The following SH3GL2 variants were observed in gnomAD, a reference collection of about 807,000 sequenced individuals.
SH3GL2 encodes the protein endophilin-A1.
Under a neutral mutation model 46.0 loss-of-function variants are expected in SH3GL2, and 24 were observed. That is an observed-to-expected ratio of 0.52 (90% confidence interval 0.38 to 0.73). SH3GL2 has a LOEUF of 0.73. Among genes scored for constraint, SH3GL2 ranks in the 30% least tolerant of loss-of-function variants. The pLI is 0.00. For missense variants in SH3GL2, 413 were observed against 424.2 expected, an observed-to-expected ratio of 0.97 and a Z score of 0.23; for synonymous variants, 196 against 147.1, an observed-to-expected ratio of 1.33 and a Z score of -2.40.
At chr9:17,629,758 T>C (rs9298780) in intron 1 of SH3GL2, among the ~76,000 whole-genome samples, 126,116 of 152,158 alleles carry the variant, frequency 0.83, 52,581 homozygotes, top group East Asian at 0.91. Flanking sequence ...TCACTTTTCA[T>C]TGATGGGCTA....
intron 2 of SH3GL2, among the ~76,000 whole-genome samples, chr9:17,756,409 T>C (rs1458787391): frequency 2.0e-5 from 3 of 151,900 alleles, no homozygotes; most frequent in Non-Finnish European, 2.9e-5. Flanking sequence ...ATGTGCCATG[T>C]TGGTGTGCTG....
At chr9:17,598,968 T>C (rs934955655) in intron 1 of SH3GL2, among the ~76,000 whole-genome samples, 1 of 152,184 alleles carries the variant, frequency 6.6e-6, no homozygotes, top group African/African-American at 2.4e-5. Flanking sequence ...ATTTAATTGG[T>C]CAATGGAACA....
At chr9:17,657,169 C>T (rs1404848533) in intron 1 of SH3GL2, among the ~76,000 whole-genome samples, 3 of 152,116 alleles carry the variant, frequency 2.0e-5, no homozygotes, top group Non-Finnish European at 4.4e-5. Flanking sequence ...TTTTTTTGTG[C>T]CTGCTAGTTA....
intron 1 of SH3GL2, among the ~76,000 whole-genome samples, chr9:17,585,260 G>A (rs1411627690): frequency 6.6e-6 from 1 of 152,176 alleles, no homozygotes; most frequent in African/African-American, 2.4e-5. Context: ...AGGAGATGGA[G>A]TTTAAGAACT....
chr9:17,613,860 C>G (rs988333900), intron 1 of SH3GL2, among the ~76,000 whole-genome samples: 2 of 152,178 alleles, frequency 1.3e-5, no homozygotes, highest in African/African-American at 4.8e-5. Flanking sequence ...TTCCCCTTCC[C>G]TCCTGGCTGA....
intron 1 of SH3GL2, among the ~76,000 whole-genome samples, chr9:17,604,614 G>C (rs1271653536): frequency 6.6e-6 from 1 of 152,168 alleles, no homozygotes; most frequent in African/African-American, 2.4e-5. Flanking sequence ...AGTAAGGATG[G>C]GTGAAGCACT....
In SH3GL2 at chr9:17,675,006, C is replaced by T. The variant is rs1041756402; in HGVS notation, c.46-72060C>T. On this transcript the variant is annotated intron_variant, in intron 1 of 8. Coordinates refer to ENST00000380607, the MANE Select transcript of SH3GL2 (RefSeq NM_003026.5). ...CCAGGTTACATTGCCAAGGGGTGTG[C>T]ATACAGGGATGGGAGGAATGTGATT... Among the ~76,000 whole-genome samples, 3 of 152,130 alleles carry T rather than the reference C, an allele frequency of 2.0e-5. 1 individual carries two copies. Among genetic ancestry groups the T allele is most frequent in the Non-Finnish European group, 4.4e-5 (3 of 68,030 alleles).
At chr9:17,674,544 G>A (rs1820559430) in intron 1 of SH3GL2, among the ~76,000 whole-genome samples, 1 of 152,140 alleles carries the variant, frequency 6.6e-6, no homozygotes, top group Non-Finnish European at 1.5e-5. Context: ...GGGATTACAG[G>A]TGTGAGCCTG....
At chr9:17,627,330 A>G (rs937544452) in intron 1 of SH3GL2, among the ~76,000 whole-genome samples, 7 of 152,104 alleles carry the variant, frequency 4.6e-5, no homozygotes, top group African/African-American at 1.7e-4. Context: ...AGCTAGCTTG[A>G]TCGTTGGGGA....
At chr9:17,695,536 C>T (rs987961467) in intron 1 of SH3GL2, among the ~76,000 whole-genome samples, 1 of 152,116 alleles carries the variant, frequency 6.6e-6, no homozygotes, top group South Asian at 2.1e-4. Flanking sequence ...TCTCAATATA[C>T]TCCTCAGATG....
intron 1 of SH3GL2, chr9:17,589,310 G>A (rs968786770): frequency 2.0e-5 from 3 of 152,162 alleles, no homozygotes; most frequent in Non-Finnish European, 2.9e-5. Flanking sequence ...GACTATAGGC[G>A]TGTGCCGCTA....
chr9:17,694,132 T>C (rs1293710453), intron 1 of SH3GL2, among the ~76,000 whole-genome samples: 3 of 152,168 alleles, frequency 2.0e-5, no homozygotes, highest in African/African-American at 7.2e-5. Flanking sequence ...TCTGTATTAG[T>C]CTGTTCTTAT....
chr9:17,686,975 G>A (rs1049835062), intron 1 of SH3GL2, among the ~76,000 whole-genome samples: 12 of 152,020 alleles, frequency 7.9e-5, no homozygotes, highest in Middle Eastern at 3.4e-3. Context: ...ATCGACAGTG[G>A]AATCTTTGCA....
At chr9:17,639,552 C>A (rs544173234) in intron 1 of SH3GL2, among the ~76,000 whole-genome samples, 54 of 152,288 alleles carry the variant, frequency 3.5e-4, no homozygotes, top group African/African-American at 1.3e-3. Flanking sequence ...GTGGAGCAAC[C>A]GGCACCTTTA....
rs910820737 is a variant in SH3GL2, at chr9:17,796,570, T to C, written c.*827T>C. ...GCACAGGGAAGGGGGAACAAATATCTTCACTTCAGTTTTATTTGTGAATTA... is the reference window on the plus strand; with the variant it reads ...GCACAGGGAAGGGGGAACAAATATCCTCACTTCAGTTTTATTTGTGAATTA... On this transcript the variant is annotated 3_prime_UTR_variant, in exon 9 of 9. Transcript: ENST00000380607. The C allele has an allele frequency of 6.6e-6, 1 of 152,360 alleles. No homozygotes were observed. Among genetic ancestry groups the C allele is most frequent in the African/African-American group, 2.4e-5 (1 of 41,446 alleles). The allele number at this position is 152,360 out of a possible 1,614,324, so 9.4% of individuals were successfully genotyped here.
chr9:17,629,341 G>A (rs894579522), intron 1 of SH3GL2, among the ~76,000 whole-genome samples: 2 of 152,300 alleles, frequency 1.3e-5, no homozygotes, highest in Non-Finnish European at 2.9e-5. Context: ...GTGAGATCAC[G>A]TCTGTGAGAT....
intron 1 of SH3GL2, among the ~76,000 whole-genome samples, chr9:17,646,094 C>G (rs1819809856): frequency 6.6e-6 from 1 of 151,740 alleles, no homozygotes. Flanking sequence ...TTTCTCTATT[C>G]TTGTCTTCAT....
intron 1 of SH3GL2, among the ~76,000 whole-genome samples, chr9:17,579,521 G>T (rs1161961657): frequency 1.5e-4 from 23 of 152,020 alleles, no homozygotes; most frequent in Admixed American, 1.5e-3. Context: ...GGTCCCCGGC[G>T]TCCTGCCTGG....
intron 3 of SH3GL2, among the ~76,000 whole-genome samples, chr9:17,767,492 C>T (rs1823348553): frequency 6.6e-6 from 1 of 152,154 alleles, no homozygotes; most frequent in Non-Finnish European, 1.5e-5. Flanking sequence ...ACATGTATTA[C>T]TTGGCATTCA....
Sources: allele counts gnomAD v4.1 joint callset (sites outside exome capture counted in the v4.1 genomes callset), GRCh38; gene constraint gnomAD v4.1.1; transcripts MANE v1.5; gene names NCBI Gene and HGNC (gene_info 2026-07-23, HGNC 2026-07-21).